The following METTL25 variants were observed in gnomAD, a reference collection of about 807,000 sequenced individuals.
METTL25 encodes methyltransferase like 25.
A neutral mutation model predicts 71.6 loss-of-function variants in METTL25; 64 were observed. The ratio of observed to expected loss-of-function variants is 0.89; its 90% CI spans 0.73 to 1.10. The LOEUF is 1.10. Ranked by LOEUF, METTL25 falls within the 50% of genes least tolerant of loss-of-function variation. The pLI, the probability that METTL25 is intolerant of heterozygous loss-of-function variation, is 0.00. For synonymous variants in METTL25, 287 were observed against 250.3 expected, an observed-to-expected ratio of 1.15 and a Z score of -1.38; for missense variants, 807 against 707.0, an observed-to-expected ratio of 1.14 and a Z score of -1.60.
intron 1 of METTL25, among the ~76,000 whole-genome samples, chr12:82,377,989 C>A (rs530845073): frequency 1.8e-4 from 27 of 152,026 alleles, no homozygotes; most frequent in East Asian, 5.8e-4. Flanking sequence ...TGATTTAGGC[C>A]GACACTTGTG....
At chr12:82,445,228 T>G (rs1174970565) in intron 8 of METTL25, among the ~76,000 whole-genome samples, 1 of 152,094 alleles carries the variant, frequency 6.6e-6, no homozygotes, top group Non-Finnish European at 1.5e-5. Flanking sequence ...CTATCTTGAA[T>G]GCATAAAATA....
chr12:82,386,734 T>G, intron 1 of METTL25, 69 bp from the exon 2 acceptor site: 1 of 1,273,574 alleles, frequency 7.9e-7, no homozygotes, highest in Non-Finnish European at 1.1e-6. Flanking sequence ...GTTCATTTGT[T>G]GTTTATTAAT....
At chr12:82,392,726 G>A (rs1006740388) in intron 3 of METTL25, among the ~76,000 whole-genome samples, 1 of 152,054 alleles carries the variant, frequency 6.6e-6, no homozygotes, top group Non-Finnish European at 1.5e-5. Context: ...ATGTCCTAGA[G>A]TGTTTCCCCA....
At position 82,438,765 on chromosome 12, in the gene METTL25, TAA is replaced by T; in HGVS notation, c.1454_1455del (p.Lys485ArgfsTer9). 1 of 1,532,786 alleles carries T rather than the reference TAA, an allele frequency of 6.5e-7. No homozygotes were observed. Among genetic ancestry groups the T allele is most frequent in the Non-Finnish European group, 8.9e-7 (1 of 1,125,022 alleles). 94.9% of individuals were successfully genotyped at this position (1,532,786 alleles called of 1,614,324 possible). A position where few individuals can be genotyped will look rare whatever the true frequency, so the allele number is the denominator to read the frequency against. On this transcript the variant is annotated frameshift_variant, in exon 8 of 12. Transcript: ENST00000248306. LOFTEE classifies it high-confidence loss of function. ...FYRAVLQDIIKDCYGITKCDR... is the reference protein window; with the variant it reads ...FYRAVLQDIIXDCYGITKCDR... ...ATCGTGCTGTTCTTCAGGATATTAT[TAA>T]AGATTGTTATGGCATCACCAAATGG...
intron 2 of METTL25, among the ~76,000 whole-genome samples, chr12:82,387,331 G>C (rs935997663): frequency 6.6e-6 from 1 of 151,970 alleles, no homozygotes; most frequent in Non-Finnish European, 1.5e-5. Flanking sequence ...AGTGGAAGGG[G>C]ACATTTGGGG....
At chr12:82,465,868 A>G (rs1892196362) in intron 9 of METTL25, among the ~76,000 whole-genome samples, 1 of 151,556 alleles carries the variant, frequency 6.6e-6, no homozygotes, top group Non-Finnish European at 1.5e-5. Context: ...TTTGCACTGC[A>G]TTTTCTAATT....
intron 8 of METTL25, among the ~76,000 whole-genome samples, chr12:82,441,787 A>C (rs1592730168): frequency 8.5e-6 from 1 of 117,388 alleles, no homozygotes; most frequent in African/African-American, 3.6e-5. Flanking sequence ...ATACTATAGC[A>C]AAAAAAAAAA....
At chr12:82,443,167 A>G (rs1301401665) in intron 8 of METTL25, among the ~76,000 whole-genome samples, 1 of 152,146 alleles carries the variant, frequency 6.6e-6, no homozygotes, top group Non-Finnish European at 1.5e-5. Context: ...ACAAAAAGAT[A>G]TCAATCTTAA....
chr12:82,370,202 G>C (rs1482252766), intron 1 of METTL25, among the ~76,000 whole-genome samples: 3 of 152,206 alleles, frequency 2.0e-5, no homozygotes, highest in East Asian at 3.9e-4. Context: ...CAGCGGGTCA[G>C]TCCAGGGATC....
intron 8 of METTL25, chr12:82,451,358 C>T (rs1377930666): frequency 3.9e-6 from 2 of 509,618 alleles, no homozygotes; most frequent in Admixed American, 1.3e-4. Flanking sequence ...GTTTCTAATC[C>T]CAGTATCCCC....
intron 8 of METTL25, among the ~76,000 whole-genome samples, chr12:82,447,114 C>A (rs1419619178): frequency 1.3e-4 from 19 of 151,562 alleles, no homozygotes; most frequent in Non-Finnish European, 2.7e-4. Flanking sequence ...TAATCAAGAT[C>A]AGAGCATAAA....
chr12:82,449,717 CT>C (rs1303591691), intron 8 of METTL25, among the ~76,000 whole-genome samples: 2 of 152,056 alleles, frequency 1.3e-5, no homozygotes, highest in Non-Finnish European at 2.9e-5. Flanking sequence ...CCTCTGCTAC[CT>C]TCTGAGCTCC....
intron 9 of METTL25, among the ~76,000 whole-genome samples, chr12:82,472,015 A>G (rs556168057): frequency 1.7e-4 from 26 of 152,332 alleles, no homozygotes; most frequent in African/African-American, 5.1e-4. Flanking sequence ...TTAATCTTAT[A>G]GATTGCATTG....
At chr12:82,399,430 A>C (rs1292043852) in intron 4 of METTL25, 36 bp downstream of exon 4, 1 of 1,457,246 alleles carries the variant, frequency 6.9e-7, no homozygotes, top group Admixed American at 2.3e-5. Flanking sequence ...TTTGATTTAC[A>C]AAAACATTGT....
At chr12:82,454,060 C>T (rs1274466959) in intron 8 of METTL25, among the ~76,000 whole-genome samples, 3 of 152,016 alleles carry the variant, frequency 2.0e-5, no homozygotes, top group Non-Finnish European at 4.4e-5. Flanking sequence ...ACAGTAAACT[C>T]AGAAATTGAA....
At chr12:82,383,096 A>G (rs976873042) in intron 1 of METTL25, among the ~76,000 whole-genome samples, 14 of 152,072 alleles carry the variant, frequency 9.2e-5, no homozygotes, top group African/African-American at 3.1e-4. Flanking sequence ...AAAATATAGT[A>G]TCTTAGGATA....
intron 7 of METTL25, 145 bp downstream of exon 7, chr12:82,434,869 GTTTAC>G: frequency 1.4e-6 from 1 of 738,222 alleles, no homozygotes; most frequent in Middle Eastern, 2.4e-4. Context: ...TTTTCTGTAA[GTTTAC>G]TTTAAAAGCA....
At chr12:82,474,691 ATACT>A (rs1186860161) in intron 9 of METTL25, 2 of 152,202 alleles carry the variant, frequency 1.3e-5, no homozygotes, top group Non-Finnish European at 2.9e-5. Flanking sequence ...TGCATCAAAC[ATACT>A]TACAATGCAT....
At position 82,389,837 on chromosome 12, in the gene METTL25, A is replaced by G. The variant is rs774374204; in HGVS notation, c.446A>G (p.Glu149Gly). The change falls in exon 3 of 12, where the codon GAG (glutamate) becomes GGG (glycine). Residue 149 changes from glutamate to glycine, a missense_variant. Transcript: ENST00000248306. The stretch of plus-strand genomic sequence containing the variant: ...TTAGGTGAAAATCAGAAGGCAGTTG[A>G]GTTTATGAATATGAAGAAATCTCAT... ...QRIGENQKAV[E>G]FMNMKKSHEV... The G allele has an allele frequency of 6.2e-7, 1 of 1,602,596 alleles. No individual in the cohort carries two copies. Among genetic ancestry groups the G allele is most frequent in the Non-Finnish European group, 8.5e-7 (1 of 1,172,660 alleles).
Sources: allele counts gnomAD v4.1 joint callset (sites outside exome capture counted in the v4.1 genomes callset), GRCh38; gene constraint gnomAD v4.1.1; transcripts MANE v1.5; gene names NCBI Gene and HGNC (gene_info 2026-07-23, HGNC 2026-07-21).